Variants in SPECC1L observed in about 807,000 individuals in gnomAD.
SPECC1L encodes the protein sperm antigen with calponin homology and coiled-coil domains 1 like.
In SPECC1L, 40 loss-of-function variants were observed where a neutral mutation model predicts 116.8. That is an observed-to-expected ratio of 0.34 (90% CI 0.27 to 0.45). The LOEUF (loss-of-function observed/expected upper bound fraction) is 0.45, where lower values mean the gene tolerates loss of function less well. Ranked by LOEUF, SPECC1L falls within the 20% of genes least tolerant of loss-of-function variation. SPECC1L has a pLI of 1.00. For missense variants in SPECC1L, 1,110 were observed against 1,373.6 expected (o/e 0.81, Z 3.03); for synonymous variants, 504 against 500.6 (o/e 1.01, Z -0.09).
At chr22:24,328,758 A>C in intron 6 of SPECC1L, 88 bp from the exon 7 acceptor site, 1 of 1,030,386 alleles carries the variant, frequency 9.7e-7, no homozygotes, top group Non-Finnish European at 1.5e-6. Flanking sequence ...CTTTTTTCGA[A>C]TGTCATATTT....
chr22:24,366,450 C>T (rs1269541546), intron 13 of SPECC1L, among the ~76,000 whole-genome samples: 1 of 152,166 alleles, frequency 6.6e-6, no homozygotes, highest in Non-Finnish European at 1.5e-5. Flanking sequence ...GCCTCGGCCT[C>T]CCAAAGTGCT....
At chr22:24,302,488 G>T in intron 3 of SPECC1L, 104 bp downstream of exon 3, 3 of 1,450,092 alleles carry the variant, frequency 2.1e-6, no homozygotes, top group Non-Finnish European at 2.9e-6. Context: ...GCCCTCTTCT[G>T]GTGCTGGGAA....
intron 10 of SPECC1L, among the ~76,000 whole-genome samples, chr22:24,339,582 G>T (rs950573900): frequency 6.6e-6 from 1 of 152,218 alleles, no homozygotes; most frequent in Non-Finnish European, 1.5e-5. Context: ...CCACATAGGT[G>T]AGAGTAGCCA....
At chr22:24,407,963 A>G (rs1029722201) in intron 14 of SPECC1L, among the ~76,000 whole-genome samples, 7 of 152,172 alleles carry the variant, frequency 4.6e-5, no homozygotes, top group Admixed American at 4.6e-4. Context: ...CCATCCTCCT[A>G]TGATACACCT....
At chr22:24,293,126 T>C (rs1239524126) in intron 2 of SPECC1L, among the ~76,000 whole-genome samples, 4 of 152,104 alleles carry the variant, frequency 2.6e-5, no homozygotes, top group Non-Finnish European at 1.5e-5. Flanking sequence ...TACAGTTTTT[T>C]CAACATTTCT....
intron 11 of SPECC1L, among the ~76,000 whole-genome samples, chr22:24,349,566 G>C (rs181875228): frequency 1.7e-4 from 26 of 152,250 alleles, no homozygotes; most frequent in Admixed American, 1.6e-3. Flanking sequence ...TTTTGATATT[G>C]AATATTCTCA....
intron 3 of SPECC1L, among the ~76,000 whole-genome samples, chr22:24,303,699 C>T (rs2049429384): frequency 6.6e-6 from 1 of 152,174 alleles, no homozygotes; most frequent in Non-Finnish European, 1.5e-5. Flanking sequence ...GTTACACCTT[C>T]TGAGTCTTGG....
intron 14 of SPECC1L, among the ~76,000 whole-genome samples, chr22:24,407,124 G>A (rs1187064967): frequency 6.6e-6 from 1 of 152,180 alleles, no homozygotes; most frequent in Non-Finnish European, 1.5e-5. Context: ...GCAGCAGTCT[G>A]GCCTGGCTGC....
intron 14 of SPECC1L, among the ~76,000 whole-genome samples, chr22:24,388,547 C>A (rs370516706): frequency 2.0e-5 from 3 of 151,924 alleles, no homozygotes; most frequent in Non-Finnish European, 4.4e-5. Flanking sequence ...AATAAACATA[C>A]GTGTGCATGT....
At chr22:24,353,673 G>A (rs142229069) in intron 11 of SPECC1L, among the ~76,000 whole-genome samples, 128 of 152,144 alleles carry the variant, frequency 8.4e-4, no homozygotes, top group African/African-American at 2.9e-3. Flanking sequence ...CTCCCACAGT[G>A]CTAGCATAAC....
rs1409616304 is a variant in SPECC1L at position 24,330,266 on chromosome 22, C to T, written c.2231C>T (p.Ala744Val). 5 of 1,613,930 alleles carry T rather than the reference C, an allele frequency of 3.1e-6. No individual in the cohort carries two copies. Among genetic ancestry groups the T allele is most frequent in the Non-Finnish European group, 3.4e-6 (4 of 1,179,960 alleles). Reference sequence around the variant, plus strand: ...AGTTTTTTAATATAGGAAGAATCTGCGGAATGGCGGCAGTTTCAGGCTGAT... The same window carrying T: ...AGTTTTTTAATATAGGAAGAATCTGTGGAATGGCGGCAGTTTCAGGCTGAT... ...TLHRRLREESAEWRQFQADLQ... is the reference protein window; with the variant it reads ...TLHRRLREESVEWRQFQADLQ... The change falls in exon 8 of 17, where the codon GCG becomes GTG. Residue 744 changes from alanine to valine, a missense_variant. Around this residue, in one of 4 missense-constraint regions of SPECC1L, gnomAD observed 575 missense variants for 682.4 expected, o/e 0.84. Coordinates refer to ENST00000314328, the MANE Select transcript of SPECC1L (RefSeq NM_015330.6).
chr22:24,284,110 T>C (rs1017526305), intron 2 of SPECC1L, among the ~76,000 whole-genome samples: 3 of 152,164 alleles, frequency 2.0e-5, no homozygotes, highest in Non-Finnish European at 4.4e-5. Context: ...ATTCTTTTCT[T>C]CTCCATACTT....
intron 14 of SPECC1L, among the ~76,000 whole-genome samples, chr22:24,380,586 G>A (rs1294495223): frequency 1.3e-5 from 2 of 152,130 alleles, no homozygotes; most frequent in Non-Finnish European, 2.9e-5. Context: ...ATTTCATTAA[G>A]CATCCATTAC....
intron 11 of SPECC1L, among the ~76,000 whole-genome samples, chr22:24,351,367 G>GA (rs2041418705): frequency 6.6e-6 from 1 of 152,198 alleles, no homozygotes; most frequent in Non-Finnish European, 1.5e-5. Flanking sequence ...TGTGGGTGGA[G>GA]AATGGGTGTG....
chr22:24,321,206 C>CAA, intron 4 of SPECC1L, 82 bp from the exon 5 acceptor site: 1 of 1,342,800 alleles, frequency 7.4e-7, no homozygotes, highest in Non-Finnish European at 1.0e-6. Flanking sequence ...CATCTCATTA[C>CAA]ACCTGGGGCA....
chr22:24,336,002 A>G (rs1315237853), intron 9 of SPECC1L, among the ~76,000 whole-genome samples: 2 of 152,140 alleles, frequency 1.3e-5, no homozygotes, highest in African/African-American at 2.4e-5. Flanking sequence ...ATATGTATAC[A>G]TATACAGAGT....
At position 24,311,846 on chromosome 22, in the gene SPECC1L, G is replaced by A. The variant is rs548701208; in HGVS notation, c.154-1467G>A. Among the ~76,000 whole-genome samples the A allele has an allele frequency of 6.2e-5, 9 of 145,336 alleles. No individual in the cohort carries two copies. In the South Asian group the frequency reaches 2.0e-3, roughly 33 times the overall value. ...AAAAAAAAGAATATGAACAGTCCTT[G>A]AAATTAATGCAGTGTTTCCCTCTCT... On this transcript the variant is annotated intron_variant, in intron 3 of 16. Coordinates refer to ENST00000314328, the MANE Select transcript of SPECC1L (RefSeq NM_015330.6).
At chr22:24,271,199 C>T (rs1391300260) in intron 1 of SPECC1L, among the ~76,000 whole-genome samples, 1 of 152,272 alleles carries the variant, frequency 6.6e-6, no homozygotes, top group African/African-American at 2.4e-5. Flanking sequence ...TGGAACAACC[C>T]GCAGGCTTCG....
At position 24,302,339 on chromosome 22, in the gene SPECC1L, G is replaced by GGGAGGCAAACTTGTAAAACCT. The variant is rs771725037; in HGVS notation, c.112_132dup (p.Gly38_Gly44dup). ...CTGAAAACAGCTCTTCAGCATCTAC[G>GGGAGGCAAACTTGTAAAACCT]GGAGGCAAACTTGTAAAACCTGGAA... On this transcript the variant is annotated inframe_insertion, in exon 3 of 17. Coordinates refer to ENST00000314328, the MANE Select transcript of SPECC1L (RefSeq NM_015330.6). 1 of 1,614,108 alleles carries GGGAGGCAAACTTGTAAAACCT rather than the reference G, an allele frequency of 6.2e-7. No individual in the cohort carries two copies. The highest frequency in any genetic ancestry group is 8.5e-7 in the Non-Finnish European group (1 of 1,180,028).
Sources: gnomAD v4.1 joint callset for allele counts (sites outside exome capture counted in the v4.1 genomes callset) on GRCh38, gnomAD v4.1.1 for gene constraint, gnomAD v4.1.1 regional missense constraint, MANE v1.5 for transcripts, NCBI Gene and HGNC (gene_info 2026-07-23, HGNC 2026-07-21) for gene names.